TRPM1: variants seen among roughly 807,000 people sequenced by gnomAD.
TRPM1 encodes the protein TRPM1-203 APA Isoform, Intron 10.
Under a neutral mutation model 149.4 loss-of-function variants are expected in TRPM1, and 113 were observed. The ratio of observed to expected loss-of-function variants is 0.76; its 90% confidence interval spans 0.65 to 0.88. The LOEUF is 0.88. Among genes scored for constraint, TRPM1 ranks in the 40% least tolerant of loss-of-function variants. The probability of loss-of-function intolerance (pLI) is 0.00; values close to 1 mark genes in which losing one functional copy is unlikely to be tolerated. For synonymous variants in TRPM1, 741 were observed against 759.5 expected, an observed-to-expected ratio of 0.98 and a Z score of 0.40; for missense variants, 1,976 against 2,038.7, an observed-to-expected ratio of 0.97 and a Z score of 0.59.
rs563742741 is a variant in TRPM1, at chr15:31,038,314, T to C, written c.2317-148A>G. 3.7e-4 allele frequency: 339 copies of C among 925,448 alleles called. 1 individual carries two copies. Among genetic ancestry groups the C allele is most frequent in the Middle Eastern group, 6.7e-4 (2 of 2,968 alleles). 57.3% of individuals were successfully genotyped at this position (925,448 alleles called of 1,614,324 possible). A position where few individuals can be genotyped will look rare whatever the true frequency, so the allele number is the denominator to read the frequency against. Reference sequence around the variant, plus strand: ...CCCTGGTCTGACGTTCTGTGACATGTGCTTGGTAAATTAGTAGAATTGCAG... The same window carrying C: ...CCCTGGTCTGACGTTCTGTGACATGCGCTTGGTAAATTAGTAGAATTGCAG... On this transcript the variant is annotated intron_variant, in intron 18 of 27. Coordinates refer to ENST00000256552, the MANE Select transcript of TRPM1 (RefSeq NM_001252024.2).
chr15:31,111,446 A>G (rs531441357), intron 1 of TRPM1, among the ~76,000 whole-genome samples: 1 of 152,214 alleles, frequency 6.6e-6, no homozygotes, highest in East Asian at 1.9e-4. Context: ...GTCCAATTAT[A>G]TGGAAGTTGA....
intron 9 of TRPM1, 105 bp downstream of exon 9, chr15:31,062,474 G>T: frequency 1.4e-6 from 2 of 1,457,672 alleles, no homozygotes; most frequent in Non-Finnish European, 1.9e-6. Flanking sequence ...AGAAAAGGCC[G>T]GACTAAAATA....
chr15:31,067,294 A>C, intron 5 of TRPM1, 107 bp from the exon 6 acceptor site: 3 of 1,507,620 alleles, frequency 2.0e-6, no homozygotes, highest in Non-Finnish European at 2.8e-6. Flanking sequence ...CCTACAGATC[A>C]GGGGTGAGAC....
chr15:31,157,621 A>C (rs1316759966), intron 1 of TRPM1, among the ~76,000 whole-genome samples: 2 of 152,140 alleles, frequency 1.3e-5, no homozygotes, highest in Non-Finnish European at 2.9e-5. Context: ...CTTTCCTGGA[A>C]GAGGGACTGT....
At chr15:31,027,807 A>G (rs986683914) in intron 25 of TRPM1, among the ~76,000 whole-genome samples, 5 of 152,156 alleles carry the variant, frequency 3.3e-5, no homozygotes, top group African/African-American at 1.2e-4. Flanking sequence ...TTCAATATTT[A>G]TTGAGCATGG....
At chr15:31,029,752 C>T (rs1485840256) in intron 23 of TRPM1, among the ~76,000 whole-genome samples, 1 of 152,110 alleles carries the variant, frequency 6.6e-6, no homozygotes, top group Non-Finnish European at 1.5e-5. Context: ...TATTCCAACA[C>T]AAACACCTCA....
intron 2 of TRPM1, among the ~76,000 whole-genome samples, chr15:31,077,234 T>C (rs1380163712): frequency 6.6e-6 from 1 of 152,212 alleles, no homozygotes; most frequent in South Asian, 2.1e-4. Flanking sequence ...AGATATTTTT[T>C]GTGCACGGTT....
intron 1 of TRPM1, among the ~76,000 whole-genome samples, chr15:31,113,011 A>AGTGTTCC (rs1817492143): frequency 6.6e-6 from 1 of 152,208 alleles, no homozygotes; most frequent in African/African-American, 2.4e-5. Flanking sequence ...GGTGCCGGTA[A>AGTGTTCC]GTGTTCCGTG....
At chr15:31,074,989 CTCCTATTGGTT>C (rs966770037) in intron 3 of TRPM1, among the ~76,000 whole-genome samples, 1 of 151,596 alleles carries the variant, frequency 6.6e-6, no homozygotes, top group Non-Finnish European at 1.5e-5. Flanking sequence ...AATTTTTTTC[CTCCTATTGGTT>C]TCTTATTTCT....
At chr15:31,090,952 GGATTAAGTGT>G (rs1185370514) in intron 1 of TRPM1, among the ~76,000 whole-genome samples, 3 of 152,194 alleles carry the variant, frequency 2.0e-5, no homozygotes, top group African/African-American at 4.8e-5. Flanking sequence ...GTTTCTGTAA[GGATTAAGTGT>G]GATTAAGTGT....
chr15:31,143,469 T>C (rs1357390420), intron 1 of TRPM1, among the ~76,000 whole-genome samples: 1 of 152,210 alleles, frequency 6.6e-6, no homozygotes, highest in Non-Finnish European at 1.5e-5. Flanking sequence ...AGAGTGGTGC[T>C]GGAGTGCAGT....
intron 27 of TRPM1, among the ~76,000 whole-genome samples, chr15:31,024,834 T>C (rs2032667016): frequency 6.6e-6 from 1 of 152,062 alleles, no homozygotes; most frequent in South Asian, 2.1e-4. Flanking sequence ...CAATTACTGT[T>C]AAAGCATCAA....
rs933857417 is a variant in TRPM1 at position 31,049,580 on chromosome 15, C to T, written c.1438-71G>A. The stretch of plus-strand genomic sequence containing the variant: ...CACAGGGGAGGGGGGCGACTGGAAA[C>T]ACAGAGGAAAGGGTATTCCGAACGC... On this transcript the variant is annotated intron_variant, in intron 12 of 27. Coordinates refer to ENST00000256552, the MANE Select transcript of TRPM1 (RefSeq NM_001252024.2). 5.7e-6 allele frequency: 9 copies of T among 1,578,204 alleles called. No individual in the cohort carries two copies. The Admixed American group carries it at 1.5e-4, about 26-fold the overall frequency.
chr15:31,117,128 T>C (rs2035810127), intron 1 of TRPM1, among the ~76,000 whole-genome samples: 1 of 152,172 alleles, frequency 6.6e-6, no homozygotes, highest in Non-Finnish European at 1.5e-5. Flanking sequence ...GGTGGGTGGA[T>C]CATCTGAGGT....
At chr15:31,129,096 T>C (rs776774517) in intron 1 of TRPM1, among the ~76,000 whole-genome samples, 7 of 152,204 alleles carry the variant, frequency 4.6e-5, no homozygotes, top group Non-Finnish European at 1.0e-4. Context: ...GAGAATGGCA[T>C]GTGGATCAGC....
At chr15:31,152,653 G>A (rs141780232) in intron 1 of TRPM1, among the ~76,000 whole-genome samples, 15 of 152,218 alleles carry the variant, frequency 9.9e-5, no homozygotes, top group South Asian at 8.3e-4. Flanking sequence ...CAGAGACTAC[G>A]TGTGTGTGAG....
In TRPM1 at chr15:31,071,980, CATATATATATATATATATATAT is replaced by C. The variant is rs71471861; in HGVS notation, c.84-1776_84-1755del. On this transcript the variant is annotated intron_variant, in intron 3 of 27. Transcript: ENST00000256552. ...CTCCGTCTCAAAAAAAAAAAAAAAA[CATATATATATATATATATATAT>C]ATATATATATATATATAGAGAGAGA... is the stretch of plus-strand genomic sequence containing the variant. 7.2e-3 allele frequency among the ~76,000 whole-genome samples: 556 copies of C among 77,274 alleles called. 17 individuals are homozygous for C. The highest frequency in any genetic ancestry group is 0.028 in the African/African-American group (448 of 15,744). 50.7% of individuals were successfully genotyped at this position (77,274 alleles called of 152,430 possible).
At chr15:31,110,040 G>C (rs762265498) in intron 1 of TRPM1, among the ~76,000 whole-genome samples, 12 of 152,192 alleles carry the variant, frequency 7.9e-5, no homozygotes, top group Admixed American at 3.3e-4. Context: ...TTTGAAGTAA[G>C]GCTTATATTG....
At chr15:31,148,396 A>G (rs967374261) in intron 1 of TRPM1, among the ~76,000 whole-genome samples, 76 of 152,316 alleles carry the variant, frequency 5.0e-4, no homozygotes, top group Middle Eastern at 3.4e-3. Context: ...GCTCGGGCGC[A>G]GCTGCACCCT....
Sources: gnomAD v4.1 joint callset for allele counts (sites outside exome capture counted in the v4.1 genomes callset) on GRCh38, gnomAD v4.1.1 for gene constraint, MANE v1.5 for transcripts, NCBI Gene and HGNC (gene_info 2026-07-23, HGNC 2026-07-21) for gene names.